The following RFX3 variants were observed in gnomAD, a reference collection of about 807,000 sequenced individuals.
The protein encoded by RFX3 is transcription factor RFX3.
A neutral mutation model predicts 98.6 loss-of-function variants in RFX3; 14 were observed. The ratio of observed to expected loss-of-function variants is 0.14; its 90% CI spans 0.09 to 0.22. The LOEUF is 0.22. Among genes scored for constraint, RFX3 ranks in the 10% least tolerant of loss-of-function variants. The probability of loss-of-function intolerance (pLI) is 1.00; values close to 1 mark genes in which losing one functional copy is unlikely to be tolerated. For missense variants in RFX3, 639 were observed against 926.9 expected, an observed-to-expected ratio of 0.69 and a Z score of 4.03; for synonymous variants, 383 against 328.4, an observed-to-expected ratio of 1.17 and a Z score of -1.80.
intron 1 of RFX3, among the ~76,000 whole-genome samples, chr9:3,508,383 T>G (rs991402075): frequency 6.6e-6 from 1 of 151,974 alleles, no homozygotes; most frequent in African/African-American, 2.4e-5. Context: ...GTATATATGT[T>G]GATATATCAG....
chr9:3,433,581 TG>T (rs1296116530), intron 1 of RFX3, among the ~76,000 whole-genome samples: 1 of 152,196 alleles, frequency 6.6e-6, no homozygotes, highest in African/African-American at 2.4e-5. Flanking sequence ...TGTGCTTGGG[TG>T]GGGGTGTTGC....
At chr9:3,360,366 T>C (rs1179302859) in intron 2 of RFX3, among the ~76,000 whole-genome samples, 5 of 152,154 alleles carry the variant, frequency 3.3e-5, no homozygotes, top group Non-Finnish European at 7.4e-5. Flanking sequence ...TAATTAAGTG[T>C]TCAATGAATT....
intron 15 of RFX3, among the ~76,000 whole-genome samples, chr9:3,233,367 G>A (rs553958138): frequency 1.3e-5 from 2 of 152,330 alleles, no homozygotes; most frequent in East Asian, 1.9e-4. Context: ...CTGGCTCAGC[G>A]TGGGAGAATG....
At chr9:3,450,693 A>T (rs1038228518) in intron 1 of RFX3, among the ~76,000 whole-genome samples, 1 of 152,210 alleles carries the variant, frequency 6.6e-6, no homozygotes, top group Non-Finnish European at 1.5e-5. Flanking sequence ...TTTTGCCTCA[A>T]GTTTTTTGGT....
intron 2 of RFX3, among the ~76,000 whole-genome samples, chr9:3,394,453 T>C (rs1311163176): frequency 6.6e-6 from 1 of 152,064 alleles, no homozygotes; most frequent in Non-Finnish European, 1.5e-5. Flanking sequence ...ACAGCGAGAC[T>C]CCCGTCTCAA....
chr9:3,454,075 T>C (rs1400836410), intron 1 of RFX3, among the ~76,000 whole-genome samples: 4 of 152,166 alleles, frequency 2.6e-5, no homozygotes, highest in Non-Finnish European at 4.4e-5. Flanking sequence ...TGCACAAATA[T>C]GTGAATAAAT....
intron 2 of RFX3, among the ~76,000 whole-genome samples, chr9:3,379,128 G>C (rs1838897529): frequency 6.6e-6 from 1 of 152,194 alleles, no homozygotes; most frequent in Non-Finnish European, 1.5e-5. Flanking sequence ...TTGGACTACA[G>C]TGGGAGCAAA....
chr9:3,295,308 A>C (rs1827859385), intron 5 of RFX3, among the ~76,000 whole-genome samples: 1 of 152,038 alleles, frequency 6.6e-6, no homozygotes, highest in Non-Finnish European at 1.5e-5. Context: ...TTTTATCCAC[A>C]TGCTTTGGTA....
At chr9:3,231,066 AT>A (rs1818381084) in intron 15 of RFX3, among the ~76,000 whole-genome samples, 1 of 152,198 alleles carries the variant, frequency 6.6e-6, no homozygotes, top group Non-Finnish European at 1.5e-5. Flanking sequence ...AGTGATTGTT[AT>A]TATCATTAAC....
chr9:3,229,576 A>AGTG (rs1818218620), intron 15 of RFX3, among the ~76,000 whole-genome samples: 2 of 152,230 alleles, frequency 1.3e-5, no homozygotes, highest in Non-Finnish European at 2.9e-5. Context: ...ATAATTTTCC[A>AGTG]ATGAGAAAAC....
intron 1 of RFX3, among the ~76,000 whole-genome samples, chr9:3,436,321 C>A (rs979597730): frequency 5.9e-5 from 9 of 151,922 alleles, no homozygotes; most frequent in African/African-American, 1.9e-4. Flanking sequence ...CTAAACATAT[C>A]CAGTTTATAA....
At chr9:3,270,574 A>T (rs1240747842) in intron 10 of RFX3, 49 bp from the exon 11 acceptor site, 4 of 1,564,146 alleles carry the variant, frequency 2.6e-6, no homozygotes, top group Non-Finnish European at 3.5e-6. Context: ...TGAGGATAAA[A>T]AAGAAAATGG....
At chr9:3,344,875 C>G (rs1563960468) in intron 3 of RFX3, 5 of 714,978 alleles carry the variant, frequency 7.0e-6, no homozygotes, top group Non-Finnish European at 1.0e-5. Flanking sequence ...CCAGGGGGCC[C>G]TGGACCTATA....
chr9:3,511,113 G>A (rs1817625185), intron 1 of RFX3, among the ~76,000 whole-genome samples: 1 of 151,882 alleles, frequency 6.6e-6, no homozygotes, highest in African/African-American at 2.4e-5. Flanking sequence ...TCATAATGAA[G>A]TTTGGCAATT....
chr9:3,416,234 T>A (rs983738903), intron 1 of RFX3, among the ~76,000 whole-genome samples: 1 of 152,202 alleles, frequency 6.6e-6, no homozygotes, highest in Non-Finnish European at 1.5e-5. Flanking sequence ...AAGTGTTGTA[T>A]GAGCACATGG....
rs1369772597 is a variant in RFX3, at chr9:3,221,425, G to A, written c.*3617C>T. 1 of 152,148 alleles carries A rather than the reference G, an allele frequency of 6.6e-6. No homozygotes were observed. The highest frequency in any genetic ancestry group is 6.5e-5 in the Admixed American group (1 of 15,268). The allele number at this position is 152,148 out of a possible 1,614,324, so 9.4% of individuals were successfully genotyped here. On this transcript the variant is annotated 3_prime_UTR_variant, in exon 17 of 17. Transcript: ENST00000617270. ...CTACTACAAATCAAAGGCAGTCAAT[G>A]CTGCACACTACTAATTTTAGGTATG...
intron 3 of RFX3, among the ~76,000 whole-genome samples, chr9:3,338,513 T>C (rs1202942427): frequency 6.6e-6 from 1 of 152,222 alleles, no homozygotes; most frequent in Non-Finnish European, 1.5e-5. Context: ...TTACTTAGCA[T>C]TTAAATTCTT....
At chr9:3,428,887 A>C (rs1438430196) in intron 1 of RFX3, among the ~76,000 whole-genome samples, 1 of 152,212 alleles carries the variant, frequency 6.6e-6, no homozygotes, top group African/African-American at 2.4e-5. Flanking sequence ...TTCTCATTCA[A>C]ACAAATGCTT....
chr9:3,388,200 T>C lies in RFX3; in HGVS notation c.117+7272A>G, dbSNP rs1169129357. 3.3e-5 allele frequency among the ~76,000 whole-genome samples: 5 copies of C among 152,036 alleles called. 1 individual carries two copies. In the East Asian group the frequency reaches 9.6e-4, roughly 29 times the overall value. On this transcript the variant is annotated intron_variant, in intron 2 of 16. Coordinates refer to ENST00000617270, the MANE Select transcript of RFX3 (RefSeq NM_001282116.2). Reference sequence around the variant, plus strand: ...AGTATTGAAACTACGGTCTAAGAAATGTGAGGATCTAAGAAGTATTCATAT... The same window carrying C: ...AGTATTGAAACTACGGTCTAAGAAACGTGAGGATCTAAGAAGTATTCATAT...
Sources: gnomAD v4.1 joint callset for allele counts (sites outside exome capture counted in the v4.1 genomes callset) on GRCh38, gnomAD v4.1.1 for gene constraint, MANE v1.5 for transcripts, NCBI Gene and HGNC (gene_info 2026-07-23, HGNC 2026-07-21) for gene names.